The following ACTR3C variants were observed in gnomAD, a reference collection of about 807,000 sequenced individuals.
The protein encoded by ACTR3C is actin related protein 3C.
A neutral mutation model predicts 26.3 loss-of-function variants in ACTR3C; 18 were observed. The ratio of observed to expected loss-of-function variants is 0.68; its 90% confidence interval spans 0.47 to 1.01. ACTR3C has a LOEUF of 1.01. Ranked by LOEUF, ACTR3C falls within the 50% of genes least tolerant of loss-of-function variation. The pLI, the probability that ACTR3C is intolerant of heterozygous loss-of-function variation, is 0.00. For synonymous variants in ACTR3C, 55 were observed against 94.5 expected (o/e 0.58, Z 2.42); for missense variants, 184 against 250.7 (o/e 0.73, Z 1.80).
the ACTR3C span, among the ~76,000 whole-genome samples, chr7:150,193,306 A>AT: frequency 6.9e-6 from 1 of 145,854 alleles, no homozygotes; most frequent in Non-Finnish European, 1.5e-5. Context: ...TATGTCTTTT[A>AT]TTTTCTCTTG....
chr7:150,035,730 GCTCT>G, the ACTR3C span, among the ~76,000 whole-genome samples: 1 of 138,274 alleles, frequency 7.2e-6, no homozygotes. Flanking sequence ...AGATGGTCTG[GCTCT>G]CAGTCCCCGC....
intron 6 of ACTR3C, among the ~76,000 whole-genome samples, chr7:150,282,422 T>C (rs1233521814): frequency 6.6e-6 from 1 of 151,706 alleles, no homozygotes; most frequent in Non-Finnish European, 1.5e-5. Flanking sequence ...GGTGACCTCC[T>C]TTGTGTCTCT....
the ACTR3C span, among the ~76,000 whole-genome samples, chr7:150,088,020 A>G: frequency 0.54 from 81,823 of 150,752 alleles, 22,975 homozygotes; most frequent in East Asian, 0.8. Context: ...CCCATTTTCA[A>G]TTGGGTTACT....
chr7:150,046,350 C>CA, the ACTR3C span, among the ~76,000 whole-genome samples: 13 of 58,842 alleles, frequency 2.2e-4, no homozygotes, highest in African/African-American at 4.4e-4. Flanking sequence ...TCTCACCGCC[C>CA]CCCCCCCCCC....
the ACTR3C span, among the ~76,000 whole-genome samples, chr7:149,903,911 TTG>T: frequency 1.3e-4 from 11 of 87,708 alleles, no homozygotes; most frequent in Non-Finnish European, 1.2e-4. Flanking sequence ...CTGGTTGTTG[TTG>T]TTGTTGTTGT....
chr7:150,180,570 T>C, the ACTR3C span, among the ~76,000 whole-genome samples: 19 of 144,028 alleles, frequency 1.3e-4, no homozygotes, highest in Admixed American at 7.5e-4. Flanking sequence ...TGGAGTGCAG[T>C]GGCGCGGTCT....
chr7:150,289,225 G>T (rs1174412721), intron 4 of ACTR3C, among the ~76,000 whole-genome samples: 1 of 151,876 alleles, frequency 6.6e-6, no homozygotes, highest in Non-Finnish European at 1.5e-5. Context: ...CGCTGTACCA[G>T]CTACCAAGCT....
chr7:150,175,914 T>C, the ACTR3C span, among the ~76,000 whole-genome samples: 2 of 149,632 alleles, frequency 1.3e-5, no homozygotes, highest in Non-Finnish European at 2.9e-5. Flanking sequence ...TGAATAGGTA[T>C]GGGTTTGTGC....
chr7:150,102,819 T>A, the ACTR3C span, among the ~76,000 whole-genome samples: 1 of 151,892 alleles, frequency 6.6e-6, no homozygotes, highest in Non-Finnish European at 1.5e-5. Context: ...GCCCAGTGCT[T>A]CTCTATTCTT....
chr7:150,128,892 C>T, the ACTR3C span, among the ~76,000 whole-genome samples: 8 of 151,538 alleles, frequency 5.3e-5, 1 homozygote, highest in Non-Finnish European at 1.2e-4. Context: ...CAGCTCACTG[C>T]CTAGAGAAAG....
At chr7:149,885,040 G>A in the ACTR3C span, among the ~76,000 whole-genome samples, 3 of 152,118 alleles carry the variant, frequency 2.0e-5, no homozygotes, top group South Asian at 4.2e-4. Context: ...AGCACGGGAG[G>A]GCACTGTTCT....
chr7:149,930,016 T>C, the ACTR3C span, among the ~76,000 whole-genome samples: 1 of 152,162 alleles, frequency 6.6e-6, no homozygotes, highest in Admixed American at 6.5e-5. Context: ...CAAATATGCA[T>C]ATCCTGTATC....
intron 1 of ACTR3C, among the ~76,000 whole-genome samples, chr7:150,297,456 C>A (rs149006650): frequency 6.7e-6 from 1 of 150,054 alleles, no homozygotes; most frequent in Non-Finnish European, 1.5e-5. Flanking sequence ...TGTATGGGTT[C>A]ATGAACTATT....
chr7:150,047,987 A>T, the ACTR3C span: 2 of 1,193,062 alleles, frequency 1.7e-6, no homozygotes, highest in South Asian at 2.0e-5. Context: ...AGGCAAGCCC[A>T]GCGCCGGCGA....
At chr7:149,930,318 A>G in the ACTR3C span, among the ~76,000 whole-genome samples, 12 of 152,232 alleles carry the variant, frequency 7.9e-5, no homozygotes, top group Admixed American at 6.5e-5. Context: ...GCATTCAAGT[A>G]TTTTGATATA....
chr7:150,254,669 T>C (rs1833084342), intron 6 of ACTR3C, among the ~76,000 whole-genome samples: 1 of 152,136 alleles, frequency 6.6e-6, no homozygotes, highest in Non-Finnish European at 1.5e-5. Flanking sequence ...CCACACTTGG[T>C]TACATTTCTT....
chr7:150,025,768 T>C, the ACTR3C span, among the ~76,000 whole-genome samples: 15 of 152,204 alleles, frequency 9.9e-5, no homozygotes, highest in South Asian at 1.4e-3. Flanking sequence ...ATTGCCTAAT[T>C]CCCTCCACTT....
At chr7:150,295,697 A>G (rs1836692586) in intron 1 of ACTR3C, among the ~76,000 whole-genome samples, 1 of 150,080 alleles carries the variant, frequency 6.7e-6, no homozygotes, top group Non-Finnish European at 1.5e-5. Context: ...AACCAAGACG[A>G]GTGAGGACAT....
the ACTR3C span, among the ~76,000 whole-genome samples, chr7:149,990,036 T>G: frequency 6.6e-6 from 1 of 152,122 alleles, no homozygotes; most frequent in Non-Finnish European, 1.5e-5. Context: ...CTTCCCTCAC[T>G]TCCGGAGGCC....
Sources: allele counts gnomAD v4.1 joint callset (sites outside exome capture counted in the v4.1 genomes callset), GRCh38; gene constraint gnomAD v4.1.1; transcripts MANE v1.5; gene names NCBI Gene and HGNC (gene_info 2026-07-23, HGNC 2026-07-21).